The following BEGAIN variants were observed in gnomAD, a reference collection of about 807,000 sequenced individuals.
BEGAIN encodes the protein brain enriched guanylate kinase associated.
BEGAIN carries 19 observed loss-of-function variants against 35.8 expected under a neutral mutation model. That is an observed-to-expected ratio of 0.53 (90% CI 0.37 to 0.78). The LOEUF (loss-of-function observed/expected upper bound fraction) is 0.78, where lower values mean the gene tolerates loss of function less well. Ranked by LOEUF, BEGAIN falls within the 30% of genes least tolerant of loss-of-function variation. The pLI is 0.00. For missense variants in BEGAIN, 795 were observed against 853.6 expected (o/e 0.93, Z 0.85); for synonymous variants, 462 against 388.6 (o/e 1.19, Z -2.22).
At position 100,538,215 on chromosome 14, in the gene BEGAIN, G is replaced by A; in HGVS notation, c.1593C>T (p.Gly531=). 1 of 1,565,224 alleles carries A rather than the reference G, an allele frequency of 6.4e-7. No individual in the cohort carries two copies. The highest frequency in any genetic ancestry group is 8.6e-7 in the Non-Finnish European group (1 of 1,161,460). Residue 531 remains glycine (G), a synonymous_variant, in exon 7 of 7, where the codon GGC becomes GGT. Transcript: ENST00000554140. ...CGTCCCCCCCCTCGCTGGGTGCATA[G>A]CCGGGCAGTGGGTCAGCCGAGCGGC... ...SPGRSADPLP[G]YAPSEGGDGD...
chr14:100,562,665 AG>A (rs2034363549), intron 2 of BEGAIN, among the ~76,000 whole-genome samples: 1 of 150,540 alleles, frequency 6.6e-6, no homozygotes, highest in Middle Eastern at 3.2e-3. Context: ...TGTTTCCTGC[AG>A]GCCACCGGTA....
Position 100,568,425 on chromosome 14 carries a change from T to C in BEGAIN, c.43-486A>G, listed in dbSNP as rs1406327019. 1 of 1,281,184 alleles carries C rather than the reference T, an allele frequency of 7.8e-7. No homozygotes were observed. Among genetic ancestry groups the C allele is most frequent in the African/African-American group, 1.5e-5 (1 of 65,434 alleles). 79.4% of individuals were successfully genotyped at this position (1,281,184 alleles called of 1,614,324 possible). A position where few individuals can be genotyped will look rare whatever the true frequency, so the allele number is the denominator to read the frequency against. On this transcript the variant is annotated intron_variant, in intron 1 of 6. Coordinates refer to ENST00000554140, the MANE Select transcript of BEGAIN (RefSeq NM_001385089.1). This position sits in a 1 kb window ranked among gnomAD's most constrained non-coding sequence, Gnocchi z 7.5. Reference sequence around the variant, plus strand: ...TTGGGGAATTCGGGGCCGTGCAGGATTGCAGAACCTGACACTCACACAATC... The same window carrying C: ...TTGGGGAATTCGGGGCCGTGCAGGACTGCAGAACCTGACACTCACACAATC...
At chr14:100,542,973 T>G (rs1032888989) in intron 5 of BEGAIN, among the ~76,000 whole-genome samples, 2 of 152,218 alleles carry the variant, frequency 1.3e-5, no homozygotes, top group Non-Finnish European at 2.9e-5. Context: ...CTTTCTGACC[T>G]CAGACCCTGG....
At chr14:100,570,925 C>CG (rs1767539122) in intron 1 of BEGAIN, among the ~76,000 whole-genome samples, 1 of 152,192 alleles carries the variant, frequency 6.6e-6, no homozygotes, top group Non-Finnish European at 1.5e-5. Context: ...GCTGGAGAAC[C>CG]GCGGCGCTGC....
At position 100,538,547 on chromosome 14, in the gene BEGAIN, C is replaced by A. The variant is rs1024213340; in HGVS notation, c.1261G>T (p.Ala421Ser). The A allele has an allele frequency of 2.6e-6, 4 of 1,516,554 alleles. No homozygotes were observed. The highest frequency in any genetic ancestry group is 3.5e-6 in the Non-Finnish European group (4 of 1,133,664). The allele number at this position is 1,516,554 out of a possible 1,614,324, so 93.9% of individuals were successfully genotyped here. Residue 421 changes from alanine (A) to serine (S), a missense_variant, in exon 7 of 7, where the codon GCC becomes TCC. Ala to Ser is a moderately conservative substitution (Grantham distance 99). Around this residue, in one of 3 missense-constraint regions of BEGAIN, gnomAD observed 664 missense variants for 647.7 expected, o/e 1.03. Coordinates refer to ENST00000554140, the MANE Select transcript of BEGAIN (RefSeq NM_001385089.1). ...GGGAGCCGGGCGGTCCCCGGCTTGGCCCGCAGGCTCCACAGGTTTGGGGGC... is the reference window on the plus strand; with the variant it reads ...GGGAGCCGGGCGGTCCCCGGCTTGGACCGCAGGCTCCACAGGTTTGGGGGC... ...LMPPNLWSLR[A>S]KPGTARLPGE...
Position 100,546,554 on chromosome 14 carries a change from G to T in BEGAIN, c.180C>A (p.Ile60=). ...GTTCCTCCTGCGCGCGCCGCAGCTC[G>T]ATCTCCAGGTAGTGGCGCGTGGAGT... ...EFDSTRHYLE[I]ELRRAQEELE... The change falls in exon 3 of 7, where the codon ATC becomes ATA. Residue 60 remains isoleucine (I), a synonymous_variant. Coordinates refer to ENST00000554140, the MANE Select transcript of BEGAIN (RefSeq NM_001385089.1). 1.3e-6 allele frequency: 2 copies of T among 1,582,554 alleles called. No homozygotes were observed. The highest frequency in any genetic ancestry group is 8.6e-7 in the Non-Finnish European group (1 of 1,168,972).
chr14:100,545,495 T>G, intron 3 of BEGAIN: 1 of 928,768 alleles, frequency 1.1e-6, no homozygotes, highest in Non-Finnish European at 1.3e-6. Flanking sequence ...AGGGTGAGGC[T>G]GGAGACATCA....
intron 1 of BEGAIN, among the ~76,000 whole-genome samples, chr14:100,585,194 C>CCCATCCATCCATCCAT (rs141222958): frequency 9.7e-6 from 1 of 103,046 alleles, no homozygotes; most frequent in Non-Finnish European, 1.9e-5. Context: ...GTCAATCCCT[C>CCCATCCATCCATCCAT]CCATCCATCC....
intron 3 of BEGAIN, chr14:100,545,999 T>C (rs2032317891): frequency 6.5e-6 from 1 of 153,462 alleles, no homozygotes; most frequent in African/African-American, 2.4e-5. Context: ...ACAAGAAAAC[T>C]GCTTTTAGAA....
chr14:100,574,914 T>G (rs921662196), intron 1 of BEGAIN, among the ~76,000 whole-genome samples: 5 of 152,246 alleles, frequency 3.3e-5, no homozygotes, highest in African/African-American at 1.2e-4. Flanking sequence ...CTGCTCCTTC[T>G]TGACTTTTGT....
rs1299690981 is a variant in BEGAIN at position 100,573,221 on chromosome 14, G to C, written c.43-5282C>G. ...CCGGAGGAGGGGGCTGGTGAGTCTG[G>C]GGGGAGGGGCTTCCGGAGGAGGGGG... On this transcript the variant is annotated intron_variant, in intron 1 of 6. Transcript: ENST00000554140. This position sits in a 1 kb window ranked among gnomAD's most constrained non-coding sequence, Gnocchi z 4.2. 7.3e-6 allele frequency among the ~76,000 whole-genome samples: 1 copy of C among 136,552 alleles called. No homozygotes were observed. Among genetic ancestry groups the C allele is most frequent in the Non-Finnish European group, 1.6e-5 (1 of 62,994 alleles). 89.6% of individuals were successfully genotyped at this position (136,552 alleles called of 152,430 possible).
chr14:100,538,193 C>A lies in BEGAIN; in HGVS notation c.1615G>T (p.Asp539Tyr). 1.9e-6 allele frequency: 3 copies of A among 1,539,474 alleles called. No homozygotes were observed. Among genetic ancestry groups the A allele is most frequent in the Non-Finnish European group, 2.6e-6 (3 of 1,147,466 alleles). Reference sequence around the variant, plus strand: ...AGCTGCACCCCGAGCCTGTCCCCGTCCCCCCCCTCGCTGGGTGCATAGCCG... The same window carrying A: ...AGCTGCACCCCGAGCCTGTCCCCGTACCCCCCCTCGCTGGGTGCATAGCCG... ...LPGYAPSEGG[D>Y]GDRLGVQLCG... The change falls in exon 7 of 7, where the codon GAC becomes TAC. Residue 539 changes from aspartate (D) to tyrosine (Y), a missense_variant. Physicochemically the swap from Asp to Tyr is radical, Grantham distance 160 (BLOSUM62 -3). Coordinates refer to ENST00000554140, the MANE Select transcript of BEGAIN (RefSeq NM_001385089.1).
Position 100,568,645 on chromosome 14 carries a change from C to T in BEGAIN, c.43-706G>A. ...GCTTGGAGACCCTCCCTGCCCAGCC[C>T]CGCTCAGCCGGGCAGCCCCTCCGCG... On this transcript the variant is annotated intron_variant, in intron 1 of 6. Coordinates refer to ENST00000554140, the MANE Select transcript of BEGAIN (RefSeq NM_001385089.1). This position sits in a 1 kb window ranked among gnomAD's most constrained non-coding sequence, Gnocchi z 7.5. 1.8e-6 allele frequency: 1 copy of T among 551,892 alleles called. No homozygotes were observed. The allele number at this position is 551,892 out of a possible 1,614,324, so 34.2% of individuals were successfully genotyped here. A position where few individuals can be genotyped will look rare whatever the true frequency, so the allele number is the denominator to read the frequency against.
At chr14:100,569,973 C>T (rs531852942) in intron 1 of BEGAIN, among the ~76,000 whole-genome samples, 135 of 152,226 alleles carry the variant, frequency 8.9e-4, no homozygotes, top group South Asian at 2.3e-3. Flanking sequence ...CACAGCTCTG[C>T]CATGGAAGCC....
chr14:100,570,136 C>T (rs1369697434), intron 1 of BEGAIN, among the ~76,000 whole-genome samples: 3 of 152,166 alleles, frequency 2.0e-5, no homozygotes, highest in East Asian at 1.9e-4. Context: ...TCACTCACGG[C>T]GAATGACCTG....
intron 1 of BEGAIN, chr14:100,569,219 A>C (rs1566978470): frequency 6.6e-6 from 1 of 152,164 alleles, no homozygotes; most frequent in Non-Finnish European, 1.5e-5. Context: ...CGGGCTGCGG[A>C]TCGGCTGGGG....
chr14:100,568,447 A>G lies in BEGAIN; in HGVS notation c.43-508T>C. On this transcript the variant is annotated intron_variant, in intron 1 of 6. Transcript: ENST00000554140. The surrounding 1 kb of genome is among the most constrained non-coding windows in gnomAD (Gnocchi z 7.5). The stretch of plus-strand genomic sequence containing the variant: ...GGATTGCAGAACCTGACACTCACAC[A>G]ATCCGAGGGCGATGGCATTTGGAGC... The G allele has an allele frequency of 7.8e-7, 1 of 1,284,774 alleles. No homozygotes were observed. Among genetic ancestry groups the G allele is most frequent in the South Asian group, 1.2e-5 (1 of 80,260 alleles). 79.6% of individuals were successfully genotyped at this position (1,284,774 alleles called of 1,614,324 possible).
chr14:100,577,116 C>T (rs1451632292), intron 1 of BEGAIN, among the ~76,000 whole-genome samples: 2 of 152,378 alleles, frequency 1.3e-5, no homozygotes, highest in African/African-American at 4.8e-5. Context: ...CATGCATATG[C>T]CTTCCGTACA....
chr14:100,565,500 GTCCCA>G (rs1000718244), intron 2 of BEGAIN, among the ~76,000 whole-genome samples: 4 of 152,178 alleles, frequency 2.6e-5, no homozygotes, highest in Admixed American at 2.6e-4. Flanking sequence ...TTACAGGACT[GTCCCA>G]TAAGTCAGTC....
Sources: gnomAD v4.1 joint callset for allele counts (sites outside exome capture counted in the v4.1 genomes callset) on GRCh38, gnomAD v4.1.1 for gene constraint, gnomAD v4.1.1 regional missense constraint, Gnocchi (gnomAD v3.1) non-coding constraint, MANE v1.5 for transcripts, NCBI Gene and HGNC (gene_info 2026-07-23, HGNC 2026-07-21) for gene names.